ADAMTS17: variants seen among roughly 807,000 people sequenced by gnomAD.
The protein encoded by ADAMTS17 is ADAM metallopeptidase with thrombospondin type 1 motif 17.
Under a neutral mutation model 141.5 loss-of-function variants are expected in ADAMTS17, and 113 were observed. The ratio of observed to expected loss-of-function variants is 0.80; its 90% CI spans 0.69 to 0.93. The LOEUF is 0.93. Ranked by LOEUF, ADAMTS17 falls within the 40% of genes least tolerant of loss-of-function variation. The pLI is 0.00. For synonymous variants in ADAMTS17, 768 were observed against 630.6 expected, an observed-to-expected ratio of 1.22 and a Z score of -3.27; for missense variants, 1,659 against 1,517.9, an observed-to-expected ratio of 1.09 and a Z score of -1.54.
chr15:100,284,880 T>G (rs1181840167), intron 3 of ADAMTS17, among the ~76,000 whole-genome samples: 1 of 152,200 alleles, frequency 6.6e-6, no homozygotes, highest in Non-Finnish European at 1.5e-5. Flanking sequence ...GAGGTCAAAG[T>G]GCAGGTGGGT....
rs146469193 is a variant in ADAMTS17 at position 100,296,531 on chromosome 15, C to T, written c.617-15130G>A. ...GCATCTTTTTCATGTAAATTCCTTA[C>T]AAAGAAAGGTGGAAAATAAGGGTTT... On this transcript the variant is annotated intron_variant, in intron 3 of 21. Transcript: ENST00000268070. Among the ~76,000 whole-genome samples the T allele has an allele frequency of 1.3e-3, 198 of 151,416 alleles. 1 individual carries two copies. The highest frequency in any genetic ancestry group is 4.5e-3 in the African/African-American group (187 of 41,232).
At chr15:100,275,251 T>C (rs1269961600) in intron 4 of ADAMTS17, among the ~76,000 whole-genome samples, 1 of 151,786 alleles carries the variant, frequency 6.6e-6, no homozygotes, top group Admixed American at 6.6e-5. Context: ...GCAAAAAGAA[T>C]GGAAAAGCAG....
intron 8 of ADAMTS17, among the ~76,000 whole-genome samples, chr15:100,185,784 A>G (rs1212557134): frequency 6.6e-6 from 1 of 152,082 alleles, no homozygotes; most frequent in Non-Finnish European, 1.5e-5. Context: ...TTCCTTCATC[A>G]TCCCCTTCCC....
At chr15:100,003,915 A>C (rs1486365261) in intron 18 of ADAMTS17, among the ~76,000 whole-genome samples, 1 of 150,698 alleles carries the variant, frequency 6.6e-6, no homozygotes, top group Non-Finnish European at 1.5e-5. Context: ...CAGCTGAAGA[A>C]GATAGAAAAG....
chr15:100,285,688 T>C (rs1481906799), intron 3 of ADAMTS17, among the ~76,000 whole-genome samples: 1 of 152,092 alleles, frequency 6.6e-6, no homozygotes, highest in Non-Finnish European at 1.5e-5. Context: ...CTGCAGGAGA[T>C]CCCATGACCC....
At chr15:100,142,656 T>C (rs1186253852) in intron 10 of ADAMTS17, among the ~76,000 whole-genome samples, 1 of 152,154 alleles carries the variant, frequency 6.6e-6, no homozygotes, top group East Asian at 1.9e-4. Flanking sequence ...AGGCAACCTG[T>C]TCAAGAACAG....
intron 1 of ADAMTS17, among the ~76,000 whole-genome samples, 158 bp from the exon 2 acceptor site, chr15:100,341,567 C>A (rs1462561172): frequency 6.7e-6 from 1 of 149,254 alleles, no homozygotes; most frequent in Admixed American, 6.7e-5. Flanking sequence ...CCGCGCCACC[C>A]GGGGAGGGTC....
At chr15:99,989,370 C>T (rs569690819) in intron 20 of ADAMTS17, among the ~76,000 whole-genome samples, 3 of 152,340 alleles carry the variant, frequency 2.0e-5, no homozygotes, top group African/African-American at 4.8e-5. Flanking sequence ...TGGGCACAGG[C>T]GCCAACAATA....
intron 10 of ADAMTS17, among the ~76,000 whole-genome samples, chr15:100,134,012 T>C (rs1260665405): frequency 6.6e-6 from 1 of 152,190 alleles, no homozygotes; most frequent in Admixed American, 6.5e-5. Context: ...CCCAACTGTA[T>C]CATTAGGAAA....
chr15:100,086,027 C>G (rs2035076712), intron 15 of ADAMTS17, among the ~76,000 whole-genome samples: 1 of 150,690 alleles, frequency 6.6e-6, no homozygotes, highest in Non-Finnish European at 1.5e-5. Flanking sequence ...GGGCTAAATG[C>G]TCCAATTAAA....
chr15:100,020,328 T>G (rs1282510800), intron 18 of ADAMTS17, among the ~76,000 whole-genome samples: 1 of 152,206 alleles, frequency 6.6e-6, no homozygotes, highest in Admixed American at 6.5e-5. Context: ...GCAGTCTGAG[T>G]GAGGCAGCTC....
At chr15:100,321,477 C>CA (rs1443193947) in intron 3 of ADAMTS17, among the ~76,000 whole-genome samples, 2 of 152,136 alleles carry the variant, frequency 1.3e-5, no homozygotes, top group African/African-American at 4.8e-5. Context: ...ATCATCATGA[C>CA]AGAGAATGAC....
intron 18 of ADAMTS17, among the ~76,000 whole-genome samples, chr15:100,038,167 C>G (rs2030924677): frequency 6.6e-6 from 1 of 152,222 alleles, no homozygotes; most frequent in African/African-American, 2.4e-5. Flanking sequence ...GGTGGAAAAG[C>G]AGTTGACAGT....
intron 10 of ADAMTS17, among the ~76,000 whole-genome samples, chr15:100,138,477 T>C (rs1290059780): frequency 6.6e-6 from 1 of 152,212 alleles, no homozygotes; most frequent in African/African-American, 2.4e-5. Context: ...GGAAATAACA[T>C]TTAAAAATGA....
At chr15:100,238,236 G>A (rs1427382191) in intron 7 of ADAMTS17, among the ~76,000 whole-genome samples, 2 of 152,196 alleles carry the variant, frequency 1.3e-5, no homozygotes, top group African/African-American at 4.8e-5. Context: ...GGCCACTCCA[G>A]GTAAAATTTC....
intron 7 of ADAMTS17, among the ~76,000 whole-genome samples, chr15:100,208,002 G>C (rs1404800750): frequency 6.6e-6 from 1 of 152,160 alleles, no homozygotes; most frequent in Non-Finnish European, 1.5e-5. Flanking sequence ...TGCTAGCTCT[G>C]AAGAATCGGA....
chr15:100,183,609 C>G (rs544422144), intron 8 of ADAMTS17, among the ~76,000 whole-genome samples: 1 of 152,042 alleles, frequency 6.6e-6, no homozygotes, highest in South Asian at 2.1e-4. Context: ...TAGACAATTC[C>G]AACATTTGTC....
intron 10 of ADAMTS17, among the ~76,000 whole-genome samples, chr15:100,141,028 C>T (rs887416683): frequency 7.9e-5 from 12 of 152,186 alleles, no homozygotes; most frequent in African/African-American, 1.4e-4. Flanking sequence ...CTCCCGCCCC[C>T]GGCGGCAGTG....
At chr15:99,977,455 A>G (rs2060387419) in intron 20 of ADAMTS17, among the ~76,000 whole-genome samples, 1 of 119,786 alleles carries the variant, frequency 8.3e-6, no homozygotes, top group African/African-American at 3.4e-5. Flanking sequence ...TTTATCACCC[A>G]GGCTGGAGTG....
Sources: allele counts gnomAD v4.1 joint callset (sites outside exome capture counted in the v4.1 genomes callset), GRCh38; gene constraint gnomAD v4.1.1; transcripts MANE v1.5; gene names NCBI Gene and HGNC (gene_info 2026-07-23, HGNC 2026-07-21).